The following SASS6 variants were observed in gnomAD, a reference collection of about 807,000 sequenced individuals.
The protein encoded by SASS6 is spindle assembly abnormal protein 6 homolog.
SASS6 carries 59 observed loss-of-function variants against 94.9 expected under a neutral mutation model. The ratio of observed to expected loss-of-function variants is 0.62; its 90% CI spans 0.50 to 0.77. The LOEUF is 0.77. SASS6 is among the 30% of genes least tolerant of loss of function. The pLI, the probability that SASS6 is intolerant of heterozygous loss-of-function variation, is 0.00. For synonymous variants in SASS6, 264 were observed against 270.0 expected (o/e 0.98, Z 0.22); for missense variants, 698 against 734.1 (o/e 0.95, Z 0.57).
intron 2 of SASS6, among the ~76,000 whole-genome samples, chr1:100,124,686 G>A (rs1294193103): frequency 6.6e-6 from 1 of 152,134 alleles, no homozygotes; most frequent in Non-Finnish European, 1.5e-5. Context: ...TGGCACAGAT[G>A]CCGTATTTCT....
chr1:100,088,499 A>G (rs1651462775), intron 14 of SASS6, among the ~76,000 whole-genome samples: 1 of 152,156 alleles, frequency 6.6e-6, no homozygotes, highest in Non-Finnish European at 1.5e-5. Context: ...TGTGTTGCCC[A>G]CGCTGGTCTC....
intron 14 of SASS6, among the ~76,000 whole-genome samples, chr1:100,092,988 G>C (rs1005966217): frequency 6.6e-5 from 10 of 152,024 alleles, no homozygotes; most frequent in Non-Finnish European, 1.2e-4. Flanking sequence ...CATAAGGGGG[G>C]AAAAGGCAAA....
At chr1:100,113,331 G>A (rs933280773) in intron 7 of SASS6, among the ~76,000 whole-genome samples, 3 of 151,910 alleles carry the variant, frequency 2.0e-5, no homozygotes, top group Non-Finnish European at 4.4e-5. Context: ...AAAAAAGGCC[G>A]GGCCCGGTGG....
chr1:100,107,787 C>T (rs1653018577), intron 9 of SASS6, 23 bp downstream of exon 9: 1 of 1,570,882 alleles, frequency 6.4e-7, no homozygotes, highest in Non-Finnish European at 8.7e-7. Flanking sequence ...TTATCAATTT[C>T]TGAGAAAAAT....
intron 6 of SASS6, among the ~76,000 whole-genome samples, chr1:100,119,973 G>A (rs1456044323): frequency 1.3e-5 from 2 of 152,214 alleles, no homozygotes; most frequent in African/African-American, 2.4e-5. Context: ...GGGCAGAAAT[G>A]TTGTAGCTAT....
Position 100,123,266 on chromosome 1 carries a change from A to G in SASS6, c.150T>C (p.Asp50=). 1 of 1,557,588 alleles carries G rather than the reference A, an allele frequency of 6.4e-7. No individual in the cohort carries two copies. The highest frequency in any genetic ancestry group is 1.2e-5 in the South Asian group (1 of 86,650). The stretch of plus-strand genomic sequence containing the variant: ...TATATAAAAAAAATGGATCCGTGTC[A>G]TCAGTCAGACGAATAACTAAGTCCT... ...HRKDLVIRLT[D]DTDPFFLYNL... The change falls in exon 3 of 17, where the codon GAT becomes GAC. Residue 50 remains aspartate (D), a synonymous_variant. Coordinates refer to ENST00000287482, the MANE Select transcript of SASS6 (RefSeq NM_194292.3).
At chr1:100,120,492 A>C (rs1276064450) in intron 5 of SASS6, 33 bp from the exon 6 acceptor site, 1 of 966,004 alleles carries the variant, frequency 1.0e-6, no homozygotes, top group Non-Finnish European at 1.7e-6. Flanking sequence ...TACACAGTTT[A>C]CAATGTAATC....
chr1:100,095,477 G>A (rs1290423141), intron 14 of SASS6, among the ~76,000 whole-genome samples: 3 of 152,180 alleles, frequency 2.0e-5, no homozygotes, highest in South Asian at 4.1e-4. Context: ...AAGTTGCAGT[G>A]AGCCAAGAAT....
At chr1:100,127,218 T>C (rs1654679842) in intron 1 of SASS6, among the ~76,000 whole-genome samples, 1 of 152,242 alleles carries the variant, frequency 6.6e-6, no homozygotes, top group African/African-American at 2.4e-5. Flanking sequence ...CAATGGCCTT[T>C]CTTTGATGTG....
At chr1:100,099,874 A>C (rs1308849086) in intron 14 of SASS6, among the ~76,000 whole-genome samples, 1 of 152,210 alleles carries the variant, frequency 6.6e-6, no homozygotes, top group Admixed American at 6.5e-5. Context: ...CCAGATTAAA[A>C]GAAAAAAGAT....
chr1:100,090,135 A>G (rs1651574001), intron 14 of SASS6, among the ~76,000 whole-genome samples: 1 of 152,140 alleles, frequency 6.6e-6, no homozygotes, highest in South Asian at 2.1e-4. Context: ...TAAAATGCAC[A>G]AAACTAACTG....
chr1:100,132,774 A>G lies in SASS6; in HGVS notation c.41T>C (p.Val14Ala), dbSNP rs1553218779. The G allele has an allele frequency of 6.2e-7, 1 of 1,613,888 alleles. No individual in the cohort carries two copies. Among genetic ancestry groups the G allele is most frequent in the Non-Finnish European group, 8.5e-7 (1 of 1,179,908 alleles). The change falls in exon 1 of 17, where the codon GTG becomes GCG. Residue 14 changes from valine to alanine, a missense_variant. Transcript: ENST00000287482. ...CCTCTCCTCACAGTCTTTGCATTTC[A>G]CCTGCAACGGGACTAGTTGGTGGAA... ...VLFHQLVPLQ[V>A]KCKDCEERRV...
chr1:100,104,072 C>T (rs1652699199), intron 13 of SASS6, among the ~76,000 whole-genome samples: 1 of 152,160 alleles, frequency 6.6e-6, no homozygotes, highest in African/African-American at 2.4e-5. Flanking sequence ...TTGGAAGCTA[C>T]TGGGAAATGG....
At chr1:100,090,621 A>T (rs1651604759) in intron 14 of SASS6, among the ~76,000 whole-genome samples, 1 of 152,136 alleles carries the variant, frequency 6.6e-6, no homozygotes, top group South Asian at 2.1e-4. Flanking sequence ...TTCCTACCAA[A>T]GGCACTGTGG....
At chr1:100,123,898 G>C (rs1654382081) in intron 2 of SASS6, among the ~76,000 whole-genome samples, 1 of 152,166 alleles carries the variant, frequency 6.6e-6, no homozygotes, top group South Asian at 2.1e-4. Flanking sequence ...TTTCCAGGTA[G>C]CTACGTGTAC....
chr1:100,132,655 G>C (rs1655165508), intron 1 of SASS6, 95 bp downstream of exon 1: 1 of 1,036,838 alleles, frequency 9.6e-7, no homozygotes, highest in Non-Finnish European at 1.5e-6. Context: ...TCGACACCTA[G>C]GTGCAAGGTG....
chr1:100,112,227 G>C (rs1319488935), intron 7 of SASS6, among the ~76,000 whole-genome samples: 10 of 152,100 alleles, frequency 6.6e-5, no homozygotes, highest in Admixed American at 2.6e-4. Flanking sequence ...AAAGCACACA[G>C]TAGTTTTGGA....
At chr1:100,095,681 A>G (rs77590415) in intron 14 of SASS6, among the ~76,000 whole-genome samples, 7,500 of 152,340 alleles carry the variant, frequency 0.049, 210 homozygotes, top group African/African-American at 0.076. Flanking sequence ...AACAGAATTT[A>G]CCAAAAACCA....
rs147570258 is a variant in SASS6, at chr1:100,121,549, C to G, written c.312G>C (p.Arg104Ser). The G allele has an allele frequency of 3.7e-5, 58 of 1,555,070 alleles. No homozygotes were observed. Among genetic ancestry groups the G allele is most frequent in the Non-Finnish European group, 4.9e-5 (56 of 1,138,058 alleles). ...CTQEHAKEIPRFLLQLVSPAA... is the reference protein window; with the variant it reads ...CTQEHAKEIPSFLLQLVSPAA... Reference sequence around the variant, plus strand: ...CTGGAGAAACTAACTGTAGCAAAAACCTTTGAAAAGAAAATGTTACATTAT... The same window carrying G: ...CTGGAGAAACTAACTGTAGCAAAAAGCTTTGAAAAGAAAATGTTACATTAT... The change falls in exon 5 of 17, where the codon AGG becomes AGC. Residue 104 changes from arginine (R) to serine (S), a missense_variant and splice_region_variant. Arg to Ser is a moderately radical substitution (Grantham distance 110). Coordinates refer to ENST00000287482, the MANE Select transcript of SASS6 (RefSeq NM_194292.3).
Sources: gnomAD v4.1 joint callset for allele counts (sites outside exome capture counted in the v4.1 genomes callset) on GRCh38, gnomAD v4.1.1 for gene constraint, MANE v1.5 for transcripts, NCBI Gene and HGNC (gene_info 2026-07-23, HGNC 2026-07-21) for gene names.